The following TGS1 variants were observed in gnomAD, a reference collection of about 807,000 sequenced individuals.
The protein encoded by TGS1 is trimethylguanosine synthase.
Under a neutral mutation model 92.2 loss-of-function variants are expected in TGS1, and 69 were observed. The observed-to-expected ratio is 0.75, with a 90% CI of 0.62 to 0.91. The LOEUF (loss-of-function observed/expected upper bound fraction) is 0.91. TGS1 is among the 40% of genes least tolerant of loss of function. The probability of loss-of-function intolerance (pLI) is 0.00; values close to 1 mark genes in which losing one functional copy is unlikely to be tolerated. For synonymous variants in TGS1, 345 were observed against 338.1 expected, an observed-to-expected ratio of 1.02 and a Z score of -0.22; for missense variants, 1,062 against 1,001.2, an observed-to-expected ratio of 1.06 and a Z score of -0.82.
In TGS1 at chr8:55,786,235, T is replaced by C. The variant is rs764623894; in HGVS notation, c.340-3T>C. 1.6e-4 allele frequency: 209 copies of C among 1,282,400 alleles called. No individual in the cohort carries two copies. The highest frequency in any genetic ancestry group is 2.1e-4 in the Non-Finnish European group (194 of 931,014). 79.4% of individuals were successfully genotyped at this position (1,282,400 alleles called of 1,614,324 possible). ...TTATATTCAAGTTATTTATCTGATA[T>C]AGGTATCTATGAATACTAGAAATAA... On this transcript the variant is annotated splice_region_variant and splice_polypyrimidine_tract_variant and intron_variant, in intron 3 of 12. Transcript: ENST00000260129.
chr8:55,782,667 T>C, intron 1 of TGS1, 81 bp from the exon 2 acceptor site: 1 of 1,062,480 alleles, frequency 9.4e-7, no homozygotes, highest in Non-Finnish European at 1.4e-6. Flanking sequence ...TATTAATTAA[T>C]CTATGATGGC....
chr8:55,789,299 G>C (rs1174673624), intron 4 of TGS1, among the ~76,000 whole-genome samples: 1 of 152,026 alleles, frequency 6.6e-6, no homozygotes, highest in Non-Finnish European at 1.5e-5. Context: ...GTCACCATAA[G>C]TTAAAGAACT....
In TGS1 at chr8:55,810,869, TCCCA is replaced by T; in HGVS notation, c.2144-10_2144-7del. ...TGTCAATTAACTCATTTTTTTCTTT[TCCCA>T]CTTTTAGTGATTGCCATTGATATCG... On this transcript the variant is annotated splice_region_variant and splice_polypyrimidine_tract_variant and intron_variant, in intron 10 of 12. Coordinates refer to ENST00000260129, the MANE Select transcript of TGS1 (RefSeq NM_024831.8). 1 of 1,610,896 alleles carries T rather than the reference TCCCA, an allele frequency of 6.2e-7. No homozygotes were observed. Among genetic ancestry groups the T allele is most frequent in the South Asian group, 1.1e-5 (1 of 91,024 alleles).
chr8:55,805,096 C>T (rs913808023), intron 10 of TGS1, 60 bp downstream of exon 10: 2 of 1,440,858 alleles, frequency 1.4e-6, no homozygotes, highest in South Asian at 2.5e-5. Context: ...TAAATGTTTC[C>T]ATTTTGCTAC....
At position 55,773,480 on chromosome 8, in the gene TGS1, G is replaced by A; in HGVS notation, c.-139G>A. The A allele has an allele frequency of 1.7e-6, 1 of 586,806 alleles. No homozygotes were observed. The highest frequency in any genetic ancestry group is 2.8e-6 in the Non-Finnish European group (1 of 352,064). 36.3% of individuals were successfully genotyped at this position (586,806 alleles called of 1,614,324 possible). A position where few individuals can be genotyped will look rare whatever the true frequency, so the allele number is the denominator to read the frequency against. ...GGCAGCGTCCGGGCTAGTTCCCGGCGCGAGCGGCCGCGGGCCAGTTTCTAT... is the reference window on the plus strand; with the variant it reads ...GGCAGCGTCCGGGCTAGTTCCCGGCACGAGCGGCCGCGGGCCAGTTTCTAT... On this transcript the variant is annotated 5_prime_UTR_variant, in exon 1 of 13. Coordinates refer to ENST00000260129, the MANE Select transcript of TGS1 (RefSeq NM_024831.8).
intron 1 of TGS1, among the ~76,000 whole-genome samples, chr8:55,779,257 C>T (rs1258437209): frequency 6.6e-6 from 1 of 152,146 alleles, no homozygotes; most frequent in East Asian, 1.9e-4. Context: ...GATGAATGCT[C>T]TTGGAGATAC....
rs144571201 is a variant in TGS1, at chr8:55,798,997, C to T, written c.1626C>T (p.Asp542=). 7.8e-4 allele frequency: 1,252 copies of T among 1,613,960 alleles called. No homozygotes were observed. Among genetic ancestry groups the T allele is most frequent in the Non-Finnish European group, 9.6e-4 (1,135 of 1,180,022 alleles). The part of the protein sequence containing the change: ...QESSSHDNVH[D]ASTSSDSEEQ... ...CATCTTCTCATGACAATGTGCACGA[C>T]GCTTCCACAAGTAGTGATTCAGAGG... Residue 542 remains aspartate (D), a synonymous_variant, in exon 8 of 13, where the codon GAC becomes GAT. Coordinates refer to ENST00000260129, the MANE Select transcript of TGS1 (RefSeq NM_024831.8).
chr8:55,805,106 C>T lies in TGS1; in HGVS notation c.2143+70C>T, dbSNP rs1812330574. ...TTCAGTAAATGTTTCCATTTTGCTA[C>T]AGCCTATCTTACTGAGATTTAATAT... On this transcript the variant is annotated intron_variant, in intron 10 of 12. Transcript: ENST00000260129. 6.0e-6 allele frequency: 8 copies of T among 1,342,078 alleles called. No individual in the cohort carries two copies. In the South Asian group the frequency reaches 7.9e-5, roughly 13 times the overall value. 83.1% of individuals were successfully genotyped at this position (1,342,078 alleles called of 1,614,324 possible).
chr8:55,815,947 T>A (rs907723546), intron 12 of TGS1, among the ~76,000 whole-genome samples: 2 of 146,340 alleles, frequency 1.4e-5, no homozygotes, highest in South Asian at 2.1e-4. Flanking sequence ...TATTTATTTA[T>A]TTTATTTATT....
At chr8:55,810,449 A>G (rs925077262) in intron 10 of TGS1, among the ~76,000 whole-genome samples, 1 of 152,198 alleles carries the variant, frequency 6.6e-6, no homozygotes, top group African/African-American at 2.4e-5. Context: ...GAAGTTGTCG[A>G]ATTTCTGTTC....
At chr8:55,813,151 C>G (rs758548826) in intron 12 of TGS1, 33 bp downstream of exon 12, 1 of 1,413,084 alleles carries the variant, frequency 7.1e-7, no homozygotes, top group Non-Finnish European at 1.0e-6. Flanking sequence ...CCATGAGTGT[C>G]TGTCTTAACT....
In TGS1 at chr8:55,824,840, C is replaced by T; in HGVS notation, c.*137C>T. On this transcript the variant is annotated 3_prime_UTR_variant, in exon 13 of 13. Transcript: ENST00000260129. ...CCGTATGAAATGGAAACTTACAGGA[C>T]TTAAATATCAGTGAAATATTTTGAG... 1 of 924,106 alleles carries T rather than the reference C, an allele frequency of 1.1e-6. No homozygotes were observed. The highest frequency in any genetic ancestry group is 1.6e-6 in the Non-Finnish European group (1 of 624,474). 57.2% of individuals were successfully genotyped at this position (924,106 alleles called of 1,614,324 possible).
chr8:55,802,422 T>C, intron 8 of TGS1, 35 bp from the exon 9 acceptor site: 1 of 1,576,428 alleles, frequency 6.3e-7, no homozygotes, highest in Middle Eastern at 1.7e-4. Flanking sequence ...ATTTTTTTCT[T>C]AGTGAGCATC....
intron 1 of TGS1, among the ~76,000 whole-genome samples, chr8:55,780,832 A>C (rs943808893): frequency 2.6e-5 from 4 of 152,154 alleles, no homozygotes; most frequent in African/African-American, 9.7e-5. Context: ...GTTATATTCC[A>C]TTGCTAACAT....
Position 55,790,166 on chromosome 8 carries a change from A to G in TGS1, c.1163-16A>G, listed in dbSNP as rs1159024366. ...ACCAAGGGGGAAAAGCTACTGCAATATTTCTGCCTCTTTAGATTCACAGAA... is the reference window on the plus strand; with the variant it reads ...ACCAAGGGGGAAAAGCTACTGCAATGTTTCTGCCTCTTTAGATTCACAGAA... On this transcript the variant is annotated splice_polypyrimidine_tract_variant and intron_variant, in intron 4 of 12. Transcript: ENST00000260129. 1.9e-6 allele frequency: 3 copies of G among 1,598,304 alleles called. No homozygotes were observed. Among genetic ancestry groups the G allele is most frequent in the Non-Finnish European group, 2.6e-6 (3 of 1,166,904 alleles).
At chr8:55,812,963 T>C (rs1437147128) in intron 11 of TGS1, 77 bp from the exon 12 acceptor site, 2 of 1,072,716 alleles carry the variant, frequency 1.9e-6, no homozygotes, top group East Asian at 4.8e-5. Flanking sequence ...ACATTTGAGT[T>C]ATGATAAGTA....
chr8:55,781,371 CA>C (rs1554558599), intron 1 of TGS1, among the ~76,000 whole-genome samples: 2 of 151,578 alleles, frequency 1.3e-5, no homozygotes, highest in African/African-American at 4.9e-5. Flanking sequence ...AAAAAAAAAC[CA>C]AAAATTTTTT....
chr8:55,780,183 T>C (rs1445971654), intron 1 of TGS1, among the ~76,000 whole-genome samples: 1 of 150,726 alleles, frequency 6.6e-6, no homozygotes, highest in Non-Finnish European at 1.5e-5. Flanking sequence ...TTTCTTTTTT[T>C]TTTTGAGTCA....
intron 12 of TGS1, among the ~76,000 whole-genome samples, chr8:55,816,955 C>T (rs1803498977): frequency 6.6e-6 from 1 of 151,904 alleles, no homozygotes; most frequent in Non-Finnish European, 1.5e-5. Flanking sequence ...CTGCCTGCCT[C>T]CCGGGTTCAA....
Sources: gnomAD v4.1 joint callset for allele counts (sites outside exome capture counted in the v4.1 genomes callset) on GRCh38, gnomAD v4.1.1 for gene constraint, MANE v1.5 for transcripts, NCBI Gene and HGNC (gene_info 2026-07-23, HGNC 2026-07-21) for gene names.